The following MAP3K3 variants were observed in gnomAD, a reference collection of about 807,000 sequenced individuals.
The protein encoded by MAP3K3 is MAP/ERK kinase kinase 3.
In MAP3K3, 12 loss-of-function variants were observed where a neutral mutation model predicts 80.9. That is an observed-to-expected ratio of 0.15 (90% confidence interval 0.10 to 0.24). The LOEUF (loss-of-function observed/expected upper bound fraction) is 0.24. Among genes scored for constraint, MAP3K3 ranks in the 10% least tolerant of loss-of-function variants. The probability of loss-of-function intolerance (pLI) is 1.00; values close to 1 mark genes in which losing one functional copy is unlikely to be tolerated. For missense variants in MAP3K3, 596 were observed against 834.7 expected, an observed-to-expected ratio of 0.71 and a Z score of 3.52; for synonymous variants, 272 against 307.1, an observed-to-expected ratio of 0.89 and a Z score of 1.19.
At chr17:63,665,551 A>G (rs971712705) in intron 5 of MAP3K3, among the ~76,000 whole-genome samples, 1 of 152,080 alleles carries the variant, frequency 6.6e-6, no homozygotes, top group Non-Finnish European at 1.5e-5. Context: ...TTGAATTCCC[A>G]CTATGTGTAA....
intron 5 of MAP3K3, among the ~76,000 whole-genome samples, chr17:63,664,378 G>A (rs2034960086): frequency 6.6e-6 from 1 of 151,632 alleles, no homozygotes; most frequent in Non-Finnish European, 1.5e-5. Context: ...ATATCTCTTG[G>A]TACCACCATT....
At position 63,695,495 on chromosome 17, in the gene MAP3K3, TGTACCCCAC is replaced by T. The variant is rs1314155573; in HGVS notation, c.*1719_*1727del. Reference sequence around the variant, plus strand: ...TTCCCCCAGGGGCTCTATCAGCCCCTGTACCCCACACTGCCCTCTGAAGACAACACAGGC... The same window carrying T: ...TTCCCCCAGGGGCTCTATCAGCCCCTACTGCCCTCTGAAGACAACACAGGC... On this transcript the variant is annotated 3_prime_UTR_variant, in exon 16 of 16. Transcript: ENST00000361733. The surrounding 1 kb of genome is among the most constrained non-coding windows in gnomAD (Gnocchi z 4.1). 2.0e-5 allele frequency: 3 copies of T among 152,738 alleles called. No individual in the cohort carries two copies. The highest frequency in any genetic ancestry group is 1.3e-4 in the Admixed American group (2 of 15,280). 9.5% of individuals were successfully genotyped at this position (152,738 alleles called of 1,614,324 possible).
chr17:63,662,537 T>G (rs1383833015), intron 5 of MAP3K3, among the ~76,000 whole-genome samples: 1 of 152,092 alleles, frequency 6.6e-6, no homozygotes, highest in African/African-American at 2.4e-5. Context: ...CTGGGGAAAC[T>G]GAGACTTAGG....
At chr17:63,653,853 A>G (rs1464371986) in intron 4 of MAP3K3, among the ~76,000 whole-genome samples, 1 of 152,148 alleles carries the variant, frequency 6.6e-6, no homozygotes, top group Non-Finnish European at 1.5e-5. Flanking sequence ...CAACACCGCT[A>G]TCTAATTCCA....
intron 2 of MAP3K3, chr17:63,634,899 T>A: frequency 9.2e-7 from 1 of 1,081,750 alleles, no homozygotes; most frequent in Non-Finnish European, 1.4e-6. Context: ...GTTGTTTTAG[T>A]GGATTTGTAA....
At chr17:63,690,814 C>T (rs1159337075) in intron 12 of MAP3K3, among the ~76,000 whole-genome samples, 1 of 152,186 alleles carries the variant, frequency 6.6e-6, no homozygotes, top group African/African-American at 2.4e-5. Flanking sequence ...CAGCTTTCAA[C>T]GTCGCTTATA....
rs530550528 is a variant in MAP3K3, at chr17:63,652,405, G to A, written c.168-152G>A. On this transcript the variant is annotated intron_variant, in intron 3 of 15. Transcript: ENST00000361733. ...GGTGAAAGGTAACGGTAGAGAAGAG[G>A]AAAAAAGGAAACAATCGGGAAAAGG... The A allele has an allele frequency of 6.0e-3, 3,753 of 623,510 alleles. 26 individuals carry two copies. The highest frequency in any genetic ancestry group is 0.018 in the South Asian group (901 of 51,326). 38.6% of individuals were successfully genotyped at this position (623,510 alleles called of 1,614,324 possible).
intron 1 of MAP3K3, among the ~76,000 whole-genome samples, chr17:63,624,618 C>A (rs185543689): frequency 1.3e-5 from 2 of 152,364 alleles, no homozygotes; most frequent in East Asian, 3.9e-4. Context: ...AGGATCTTCT[C>A]ATTTGTCCCC....
chr17:63,647,438 AC>A (rs1450530787), intron 3 of MAP3K3, among the ~76,000 whole-genome samples: 1 of 152,206 alleles, frequency 6.6e-6, no homozygotes, highest in African/African-American at 2.4e-5. Context: ...GAGCCCAATT[AC>A]GCAGTTAGGC....
At position 63,688,513 on chromosome 17, in the gene MAP3K3, T is replaced by C. The variant is rs570268245; in HGVS notation, c.711-14T>C. Reference sequence around the variant, plus strand: ...AGTGTGCGGGAGTCTGTTTTTTCTTTTTGTTTTCTCCAGCCCATCCTTCCG... The same window carrying C: ...AGTGTGCGGGAGTCTGTTTTTTCTTCTTGTTTTCTCCAGCCCATCCTTCCG... On this transcript the variant is annotated splice_polypyrimidine_tract_variant and intron_variant, in intron 8 of 15. Coordinates refer to ENST00000361733, the MANE Select transcript of MAP3K3 (RefSeq NM_002401.5). 4.3e-6 allele frequency: 7 copies of C among 1,613,216 alleles called. No homozygotes were observed. The highest frequency in any genetic ancestry group is 1.1e-5 in the South Asian group (1 of 91,082).
intron 5 of MAP3K3, among the ~76,000 whole-genome samples, chr17:63,658,252 G>A (rs1320199099): frequency 6.6e-6 from 1 of 152,164 alleles, no homozygotes; most frequent in Non-Finnish European, 1.5e-5. Context: ...TGGCAGTGCC[G>A]ATTAGGAAAG....
chr17:63,657,566 G>A (rs992298895), intron 4 of MAP3K3, among the ~76,000 whole-genome samples: 2 of 152,096 alleles, frequency 1.3e-5, no homozygotes, highest in Non-Finnish European at 2.9e-5. Context: ...ATTGGATTAT[G>A]ATGATGGTTG....
In MAP3K3 at chr17:63,692,119, GTTCATGTCTAA is replaced by G; in HGVS notation, c.1475-118_1475-108del. On this transcript the variant is annotated intron_variant, in intron 14 of 15. Coordinates refer to ENST00000361733, the MANE Select transcript of MAP3K3 (RefSeq NM_002401.5). The surrounding 1 kb of genome is among the most constrained non-coding windows in gnomAD (Gnocchi z 4.5). ...TTTGCTAAATCCTTTGCCCTTTGCA[GTTCATGTCTAA>G]TTCAGTGGTAGCCCTGCCCTCTCCA... The G allele has an allele frequency of 8.5e-7, 1 of 1,175,156 alleles. No homozygotes were observed. The highest frequency in any genetic ancestry group is 1.3e-5 in the South Asian group (1 of 75,884). 72.8% of individuals were successfully genotyped at this position (1,175,156 alleles called of 1,614,324 possible).
intron 1 of MAP3K3, among the ~76,000 whole-genome samples, chr17:63,629,308 A>G (rs893083288): frequency 5.3e-5 from 8 of 152,112 alleles, no homozygotes; most frequent in Admixed American, 3.3e-4. Context: ...TATTTTTAGT[A>G]GAGACGGGGT....
rs1489246766 is a variant in MAP3K3, at chr17:63,695,040, A to G, written c.*1263A>G. The stretch of plus-strand genomic sequence containing the variant: ...TCCCCTCCAAAATGTGCCTATTGCT[A>G]GAGCTCCTCCCTCTCAACACCCAGT... On this transcript the variant is annotated 3_prime_UTR_variant, in exon 16 of 16. Transcript: ENST00000361733. This position sits in a 1 kb window ranked among gnomAD's most constrained non-coding sequence, Gnocchi z 4.1. 6.6e-6 allele frequency: 1 copy of G among 151,568 alleles called. No homozygotes were observed. The highest frequency in any genetic ancestry group is 1.5e-5 in the Non-Finnish European group (1 of 67,898). The allele number at this position is 151,568 out of a possible 1,614,324, so 9.4% of individuals were successfully genotyped here.
intron 4 of MAP3K3, among the ~76,000 whole-genome samples, chr17:63,655,172 C>T (rs2034741118): frequency 6.6e-6 from 1 of 152,214 alleles, no homozygotes; most frequent in Admixed American, 6.5e-5. Context: ...ACATCCTTCA[C>T]ATGGCGACAG....
At chr17:63,688,340 G>A in intron 8 of MAP3K3, 187 bp from the exon 9 acceptor site, 1 of 616,050 alleles carries the variant, frequency 1.6e-6, no homozygotes, top group Non-Finnish European at 2.9e-6. Context: ...TGTCAAATTT[G>A]GGTCACAGAC....
intron 1 of MAP3K3, among the ~76,000 whole-genome samples, chr17:63,629,068 A>C (rs2034164701): frequency 6.6e-6 from 1 of 151,806 alleles, no homozygotes; most frequent in South Asian, 2.1e-4. Context: ...TCCTTACCAA[A>C]TTTTTCTGAC....
At chr17:63,651,752 C>G (rs1272426011) in intron 3 of MAP3K3, among the ~76,000 whole-genome samples, 1 of 152,136 alleles carries the variant, frequency 6.6e-6, no homozygotes, top group Non-Finnish European at 1.5e-5. Flanking sequence ...TCCAGAAAAT[C>G]TTCAATGTCA....
Sources: gnomAD v4.1 joint callset for allele counts (sites outside exome capture counted in the v4.1 genomes callset) on GRCh38, gnomAD v4.1.1 for gene constraint, Gnocchi (gnomAD v3.1) non-coding constraint, MANE v1.5 for transcripts, NCBI Gene and HGNC (gene_info 2026-07-23, HGNC 2026-07-21) for gene names.